The following GRK4 variants were observed in gnomAD, a reference collection of about 807,000 sequenced individuals.
GRK4 encodes G protein-coupled receptor kinase 2-like.
A neutral mutation model predicts 77.9 loss-of-function variants in GRK4; 73 were observed. The ratio of observed to expected loss-of-function variants is 0.94; its 90% CI spans 0.78 to 1.14. The LOEUF (loss-of-function observed/expected upper bound fraction) is 1.14. Among genes scored for constraint, GRK4 ranks in the 50% most tolerant of loss-of-function variants. The pLI, the probability that GRK4 is intolerant of heterozygous loss-of-function variation, is 0.00. For synonymous variants in GRK4, 257 were observed against 254.4 expected (o/e 1.01, Z -0.10); for missense variants, 729 against 700.2 (o/e 1.04, Z -0.46).
intron 6 of GRK4, 63 bp downstream of exon 6, chr4:3,007,891 T>G (rs1731772952): frequency 5.5e-6 from 6 of 1,085,806 alleles, no homozygotes; most frequent in Non-Finnish European, 8.3e-6. Flanking sequence ...TAGTCCCAGC[T>G]ACTCAGGAGG....
Position 2,963,717 on chromosome 4 carries a change from C to T in GRK4, c.-354C>T. 5.0e-6 allele frequency: 2 copies of T among 403,580 alleles called. No individual in the cohort carries two copies. The highest frequency in any genetic ancestry group is 4.4e-6 in the Non-Finnish European group (1 of 226,718). The allele number at this position is 403,580 out of a possible 1,614,324, so 25.0% of individuals were successfully genotyped here. Reference sequence around the variant, plus strand: ...AGTGAGCCACGGCATTGACTCGGGGCTGCCCGGGGGCAGGGCACTGAGGAG... The same window carrying T: ...AGTGAGCCACGGCATTGACTCGGGGTTGCCCGGGGGCAGGGCACTGAGGAG... On this transcript the variant is annotated 5_prime_UTR_variant, in exon 1 of 16. Coordinates refer to ENST00000398052, the MANE Select transcript of GRK4 (RefSeq NM_182982.3).
chr4:3,036,092 A>AT (rs1363546645), intron 13 of GRK4, among the ~76,000 whole-genome samples: 3 of 152,196 alleles, frequency 2.0e-5, no homozygotes, highest in Admixed American at 6.5e-5. Context: ...GAATGCTGGG[A>AT]TTACAGGCAT....
At chr4:3,026,776 A>G (rs1024827195) in intron 10 of GRK4, among the ~76,000 whole-genome samples, 4 of 152,228 alleles carry the variant, frequency 2.6e-5, no homozygotes, top group Non-Finnish European at 5.9e-5. Context: ...CATGCATCTG[A>G]GTCAGAGGCC....
At chr4:2,994,354 G>T (rs548785590) in intron 4 of GRK4, among the ~76,000 whole-genome samples, 1 of 152,336 alleles carries the variant, frequency 6.6e-6, no homozygotes, top group African/African-American at 2.4e-5. Context: ...TGGATTACAG[G>T]TGTGCACCAC....
intron 8 of GRK4, among the ~76,000 whole-genome samples, chr4:3,017,802 T>C (rs1734964659): frequency 1.3e-5 from 2 of 152,214 alleles, no homozygotes; most frequent in Non-Finnish European, 2.9e-5. Flanking sequence ...TGCCCAGTCA[T>C]GCTTAAAAAC....
At chr4:3,037,725 G>T (rs1182292184) in intron 14 of GRK4, among the ~76,000 whole-genome samples, 1 of 152,036 alleles carries the variant, frequency 6.6e-6, no homozygotes, top group Non-Finnish European at 1.5e-5. Context: ...GACCAGCCTG[G>T]CCAACATAGT....
intron 4 of GRK4, among the ~76,000 whole-genome samples, chr4:2,999,922 C>CA (rs1729040191): frequency 6.6e-6 from 1 of 152,030 alleles, no homozygotes; most frequent in Non-Finnish European, 1.5e-5. Context: ...ATAACTCTTA[C>CA]AATGCAACAA....
At chr4:3,035,616 G>A in intron 13 of GRK4, 93 bp downstream of exon 13, 1 of 1,386,772 alleles carries the variant, frequency 7.2e-7, no homozygotes, top group African/African-American at 1.4e-5. Flanking sequence ...GAGATGGGGG[G>A]TCTCACTGTG....
rs1299322245 is a variant in GRK4 at position 2,967,100 on chromosome 4, CAG to C, written c.52+2980_52+2981del. Among the ~76,000 whole-genome samples the C allele has an allele frequency of 1.0e-3, 156 of 152,348 alleles. 1 individual carries two copies. The highest frequency in any genetic ancestry group is 2.5e-4 in the Non-Finnish European group (17 of 68,040). ...CCCCTCACTCCTTCTACCATGGACACAGAAAGAAGATGCCAGCTATGAATCAG... is the reference window on the plus strand; with the variant it reads ...CCCCTCACTCCTTCTACCATGGACACAAAGAAGATGCCAGCTATGAATCAG... On this transcript the variant is annotated intron_variant, in intron 1 of 15. Transcript: ENST00000398052.
intron 4 of GRK4, among the ~76,000 whole-genome samples, chr4:2,998,673 T>C (rs1229376243): frequency 6.6e-6 from 1 of 152,186 alleles, no homozygotes; most frequent in Non-Finnish European, 1.5e-5. Context: ...GTAACACTTA[T>C]ACTCTGAAAA....
chr4:3,014,360 G>T (rs1461829745), intron 8 of GRK4, among the ~76,000 whole-genome samples: 1 of 147,170 alleles, frequency 6.8e-6, no homozygotes, highest in Non-Finnish European at 1.5e-5. Context: ...GCAATGGCAC[G>T]ATCTTGGGTC....
At chr4:3,021,821 G>A (rs984232289) in intron 9 of GRK4, among the ~76,000 whole-genome samples, 2 of 152,282 alleles carry the variant, frequency 1.3e-5, no homozygotes, top group South Asian at 2.1e-4. Flanking sequence ...TCTCATGTGA[G>A]CTTTGGCTCA....
intron 3 of GRK4, among the ~76,000 whole-genome samples, chr4:2,989,720 A>T (rs1046447182): frequency 2.6e-5 from 4 of 152,264 alleles, no homozygotes; most frequent in African/African-American, 9.6e-5. Context: ...AAGTTTGTGT[A>T]AGAAGAATGA....
intron 7 of GRK4, among the ~76,000 whole-genome samples, chr4:3,010,639 T>C (rs983392071): frequency 3.3e-5 from 5 of 152,284 alleles, no homozygotes; most frequent in Admixed American, 1.3e-4. Context: ...ATTACCTTAC[T>C]AGTTACCTGG....
chr4:2,978,731 G>T (rs1015742758), intron 1 of GRK4, among the ~76,000 whole-genome samples: 3 of 151,640 alleles, frequency 2.0e-5, no homozygotes, highest in Admixed American at 1.3e-4. Flanking sequence ...GGTCGATTGG[G>T]CCCAGGGGTC....
At position 2,973,204 on chromosome 4, in the gene GRK4, G is replaced by T. The variant is rs764275750; in HGVS notation, c.52+9082G>T. ...GACGTGGCACGTCATGCTTTCTTCC[G>T]TGAGCGTGTTCTGCATCATCACCCT... On this transcript the variant is annotated intron_variant, in intron 1 of 15. Transcript: ENST00000398052. 7.9e-4 allele frequency among the ~76,000 whole-genome samples: 120 copies of T among 152,190 alleles called. 1 individual carries two copies. Among genetic ancestry groups the T allele is most frequent in the Admixed American group, 2.0e-4 (3 of 15,284 alleles).
Position 2,964,047 on chromosome 4 carries a change from CGCCGG to C in GRK4, c.-23_-19del. On this transcript the variant is annotated 5_prime_UTR_variant, in exon 1 of 16. Transcript: ENST00000398052. Reference sequence around the variant, plus strand: ...TCAGTCTCCTCGGTCTCGCAGAATCCGCCGGCGGCGGCGGCGCCAGGACATGGAGC... The same window carrying C: ...TCAGTCTCCTCGGTCTCGCAGAATCCCGGCGGCGGCGCCAGGACATGGAGC... 6.2e-7 allele frequency: 1 copy of C among 1,603,994 alleles called. No individual in the cohort carries two copies. Among genetic ancestry groups the C allele is most frequent in the East Asian group, 2.2e-5 (1 of 44,538 alleles).
At chr4:2,987,707 G>A (rs1724825387) in intron 2 of GRK4, among the ~76,000 whole-genome samples, 1 of 152,048 alleles carries the variant, frequency 6.6e-6, no homozygotes, top group South Asian at 2.1e-4. Context: ...TTGGGAGGCT[G>A]AGGTGGGTGG....
chr4:3,018,358 G>T (rs745534868), intron 8 of GRK4, among the ~76,000 whole-genome samples: 3 of 152,160 alleles, frequency 2.0e-5, no homozygotes, highest in African/African-American at 7.2e-5. Context: ...ATTTACAATG[G>T]CATCAAGAAA....
Sources: gnomAD v4.1 joint callset for allele counts (sites outside exome capture counted in the v4.1 genomes callset) on GRCh38, gnomAD v4.1.1 for gene constraint, MANE v1.5 for transcripts, NCBI Gene and HGNC (gene_info 2026-07-23, HGNC 2026-07-21) for gene names.